The following RGS8 variants were observed in gnomAD, a reference collection of about 807,000 sequenced individuals.
The protein encoded by RGS8 is regulator of G-protein signaling 8.
In RGS8, 8 loss-of-function variants were observed where a neutral mutation model predicts 21.7. The observed-to-expected ratio is 0.37, with a 90% confidence interval of 0.22 to 0.66. RGS8 has a LOEUF of 0.66. Ranked by LOEUF, RGS8 falls within the 30% of genes least tolerant of loss-of-function variation. RGS8 has a pLI of 0.59. For synonymous variants in RGS8, 80 were observed against 83.6 expected (o/e 0.96, Z 0.24); for missense variants, 157 against 217.9 (o/e 0.72, Z 1.76).
chr1:182,660,256 A>C lies in RGS8; in HGVS notation c.193+5713T>G, dbSNP rs117598519. On this transcript the variant is annotated intron_variant, in intron 5 of 6. Coordinates refer to ENST00000483095, the Ensembl canonical transcript of RGS8. ...TACAGATGAGGAAAGTGAGGTTCAC[A>C]GAGGTTAAGTAATCTGAATACAGTC... Among the ~76,000 whole-genome samples, 161 of 152,350 alleles carry C rather than the reference A, an allele frequency of 1.1e-3. 4 individuals are homozygous for C. Among genetic ancestry groups the C allele is most frequent in the East Asian group, 0.01 (53 of 5,182 alleles).
At chr1:182,741,674 G>A in the RGS8 span, among the ~76,000 whole-genome samples, 1 of 115,260 alleles carries the variant, frequency 8.7e-6, no homozygotes, top group African/African-American at 3.0e-5. Context: ...CGGGCAGAGG[G>A]GCTCCTCACT....
chr1:182,646,871 T>A, exon 7 of RGS8: 2 of 1,614,158 alleles, frequency 1.2e-6, no homozygotes, highest in Non-Finnish European at 1.7e-6. Context: ...GGATGGCTCC[T>A]GCAGGTTCTT....
upstream of RGS8, among the ~76,000 whole-genome samples, chr1:182,677,503 C>T (rs143682441): frequency 7.2e-5 from 11 of 152,298 alleles, no homozygotes; most frequent in African/African-American, 2.4e-4. Flanking sequence ...GGGAAAGGTG[C>T]TATATAAATA....
At chr1:182,683,493 T>C (rs1229360629) in intron 1 of RGS8, among the ~76,000 whole-genome samples, 1 of 152,022 alleles carries the variant, frequency 6.6e-6, no homozygotes, top group Admixed American at 6.6e-5. Flanking sequence ...ATTATTTCAT[T>C]AGACTCTAAG....
At chr1:182,646,820 A>C in exon 7 of RGS8, 1 of 1,614,094 alleles carries the variant, frequency 6.2e-7, no homozygotes, top group Non-Finnish European at 8.5e-7. Context: ...TTTCTCCATG[A>C]GGCTGTGTAC....
chr1:182,682,062 G>C (rs1419533436), intron 1 of RGS8, among the ~76,000 whole-genome samples: 1 of 152,192 alleles, frequency 6.6e-6, no homozygotes, highest in Non-Finnish European at 1.5e-5. Flanking sequence ...TAGAAATGTA[G>C]GTGTTTGGAC....
At chr1:182,656,538 C>T (rs1663286976) in intron 5 of RGS8, among the ~76,000 whole-genome samples, 1 of 152,206 alleles carries the variant, frequency 6.6e-6, no homozygotes, top group African/African-American at 2.4e-5. Context: ...AGGCATCTTT[C>T]CCAACCATGG....
chr1:182,743,751 T>G, the RGS8 span, among the ~76,000 whole-genome samples: 1 of 152,224 alleles, frequency 6.6e-6, no homozygotes, highest in Non-Finnish European at 1.5e-5. Flanking sequence ...ATGGAGGGCC[T>G]CTCTGTTCAC....
the RGS8 span, among the ~76,000 whole-genome samples, chr1:182,744,048 A>G: frequency 6.6e-6 from 1 of 152,204 alleles, no homozygotes; most frequent in African/African-American, 2.4e-5. Context: ...CTTGTTCAAC[A>G]TCGTATTTCC....
upstream of RGS8, chr1:182,671,968 C>G: frequency 2.2e-6 from 3 of 1,340,072 alleles, no homozygotes; most frequent in Non-Finnish European, 2.9e-6. Context: ...CTCCCGGGCA[C>G]AGTCTGCACG....
intron 3 of RGS8, among the ~76,000 whole-genome samples, chr1:182,667,515 A>G (rs752254325): frequency 3.9e-5 from 6 of 152,208 alleles, no homozygotes; most frequent in Non-Finnish European, 8.8e-5. Flanking sequence ...ATCTAGCTAT[A>G]GTCAACCCAT....
the RGS8 span, among the ~76,000 whole-genome samples, chr1:182,726,525 C>A: frequency 6.6e-6 from 1 of 152,112 alleles, no homozygotes; most frequent in African/African-American, 2.4e-5. Flanking sequence ...ACAAAATTAG[C>A]CGAGCATGGT....
chr1:182,675,113 G>T (rs185118775), upstream of RGS8, among the ~76,000 whole-genome samples: 12 of 152,162 alleles, frequency 7.9e-5, no homozygotes, highest in African/African-American at 2.9e-4. Flanking sequence ...ATGCTATACT[G>T]TCTCTAAACA....
At chr1:182,722,887 A>T in the RGS8 span, among the ~76,000 whole-genome samples, 10 of 152,244 alleles carry the variant, frequency 6.6e-5, no homozygotes, top group African/African-American at 2.4e-4. Context: ...CTGAGGCAGG[A>T]GAATGATGTG....
upstream of RGS8, among the ~76,000 whole-genome samples, chr1:182,674,651 C>A (rs572306881): frequency 6.6e-6 from 1 of 152,132 alleles, no homozygotes; most frequent in African/African-American, 2.4e-5. Flanking sequence ...ATTCTAGCAT[C>A]GTCTTCTTTC....
the RGS8 span, among the ~76,000 whole-genome samples, chr1:182,723,922 GC>G: frequency 1.3e-5 from 2 of 152,090 alleles, no homozygotes; most frequent in Admixed American, 6.5e-5. Flanking sequence ...AAATCGGGCA[GC>G]CCCCAAAACG....
the RGS8 span, among the ~76,000 whole-genome samples, chr1:182,716,474 GT>G: frequency 0.053 from 7,763 of 147,742 alleles, 219 homozygotes; most frequent in Non-Finnish European, 0.07. Context: ...ATTTTTTATT[GT>G]TTTTTTTTTC....
the RGS8 span, among the ~76,000 whole-genome samples, chr1:182,731,833 T>G: frequency 6.6e-6 from 1 of 152,248 alleles, no homozygotes; most frequent in Admixed American, 6.5e-5. Flanking sequence ...TCACTGCCAC[T>G]TATTACTTAG....
the RGS8 span, among the ~76,000 whole-genome samples, chr1:182,723,172 C>T: frequency 6.6e-6 from 1 of 152,044 alleles, no homozygotes; most frequent in Non-Finnish European, 1.5e-5. Context: ...TTATATACCC[C>T]CAAACTTGGC....
Sources: allele counts gnomAD v4.1 joint callset (sites outside exome capture counted in the v4.1 genomes callset), GRCh38; gene constraint gnomAD v4.1.1; transcripts MANE v1.5; gene names NCBI Gene and HGNC (gene_info 2026-07-23, HGNC 2026-07-21).